The following ATP2B1 variants were observed in gnomAD, a reference collection of about 807,000 sequenced individuals.
ATP2B1 encodes the protein plasma membrane calcium-transporting ATPase 1.
ATP2B1 carries 14 observed loss-of-function variants against 124.2 expected under a neutral mutation model. The observed-to-expected ratio is 0.11, with a 90% CI of 0.07 to 0.18. The LOEUF (loss-of-function observed/expected upper bound fraction) is 0.18. Among genes scored for constraint, ATP2B1 ranks in the 10% least tolerant of loss-of-function variants. The pLI is 1.00. For synonymous variants in ATP2B1, 449 were observed against 492.4 expected (o/e 0.91, Z 1.17); for missense variants, 763 against 1,466.1 (o/e 0.52, Z 7.83).
At chr12:89,619,592 T>C (rs928267772) in intron 11 of ATP2B1, among the ~76,000 whole-genome samples, 3 of 130,606 alleles carry the variant, frequency 2.3e-5, no homozygotes, top group Non-Finnish European at 3.2e-5. Context: ...GCCTGGGTGA[T>C]ACAGGGAAAC....
chr12:89,683,230 G>C (rs1219329584), intron 1 of ATP2B1, among the ~76,000 whole-genome samples: 1 of 152,156 alleles, frequency 6.6e-6, no homozygotes, highest in East Asian at 1.9e-4. Flanking sequence ...ATGTCATATG[G>C]CAATTTTAAA....
intron 1 of ATP2B1, among the ~76,000 whole-genome samples, chr12:89,669,296 C>A (rs1461409225): frequency 6.6e-6 from 1 of 152,214 alleles, no homozygotes; most frequent in Non-Finnish European, 1.5e-5. Flanking sequence ...CTTAACGGAA[C>A]TGCAGAACGT....
intron 1 of ATP2B1, among the ~76,000 whole-genome samples, chr12:89,677,954 T>TTATATATATATATGTGTA (rs1491452210): frequency 1.5e-5 from 1 of 68,762 alleles, no homozygotes; most frequent in African/African-American, 6.4e-5. Context: ...CATGCAGGAA[T>TTATATATATATATGTGTA]TATATATATA....
intron 20 of ATP2B1, chr12:89,598,511 A>T: frequency 7.0e-7 from 1 of 1,433,368 alleles, no homozygotes; most frequent in African/African-American, 1.4e-5. Context: ...ATGAATTCAA[A>T]CATTAAGGAG....
intron 1 of ATP2B1, among the ~76,000 whole-genome samples, chr12:89,702,261 A>C (rs1250683434): frequency 6.6e-6 from 1 of 152,214 alleles, no homozygotes; most frequent in Admixed American, 6.5e-5. Flanking sequence ...CAGCATTCTA[A>C]AACACAATTT....
chr12:89,701,477 T>C (rs1593021013), intron 1 of ATP2B1, among the ~76,000 whole-genome samples: 1 of 152,346 alleles, frequency 6.6e-6, no homozygotes, highest in African/African-American at 2.4e-5. Flanking sequence ...GTTTAGGATT[T>C]AGACATTGTG....
At chr12:89,643,148 ATATGTATATATGTATG>A (rs1433302397) in intron 2 of ATP2B1, among the ~76,000 whole-genome samples, 5 of 150,788 alleles carry the variant, frequency 3.3e-5, no homozygotes, top group Non-Finnish European at 7.4e-5. Flanking sequence ...ATACACGTGT[ATATGTATATATGTATG>A]TATGTATATA....
At chr12:89,605,650 T>C (rs1392685378) in intron 15 of ATP2B1, among the ~76,000 whole-genome samples, 1 of 152,148 alleles carries the variant, frequency 6.6e-6, no homozygotes, top group African/African-American at 2.4e-5. Flanking sequence ...AGACAAACCC[T>C]TTCTCAGGAA....
chr12:89,646,740 G>C (rs999518721), intron 2 of ATP2B1, among the ~76,000 whole-genome samples: 1 of 152,206 alleles, frequency 6.6e-6, no homozygotes, highest in African/African-American at 2.4e-5. Context: ...TGAGCAAGTG[G>C]CAACAGTAAG....
chr12:89,595,184 C>T (rs935085419), intron 20 of ATP2B1, among the ~76,000 whole-genome samples: 1 of 151,932 alleles, frequency 6.6e-6, no homozygotes, highest in Non-Finnish European at 1.5e-5. Context: ...GAAAAATCTG[C>T]CACAGGTATT....
chr12:89,678,495 T>C (rs1348912963), intron 1 of ATP2B1, among the ~76,000 whole-genome samples: 2 of 152,158 alleles, frequency 1.3e-5, no homozygotes, highest in Admixed American at 1.3e-4. Context: ...TTATGACTAT[T>C]TACTACTGCT....
intron 8 of ATP2B1, among the ~76,000 whole-genome samples, chr12:89,625,662 T>C (rs1404896489): frequency 1.4e-5 from 2 of 147,644 alleles, no homozygotes; most frequent in Non-Finnish European, 3.0e-5. Flanking sequence ...GGTTCTAACA[T>C]CCCAATCTAA....
At chr12:89,653,382 C>G (rs920347671) in intron 2 of ATP2B1, among the ~76,000 whole-genome samples, 2 of 146,944 alleles carry the variant, frequency 1.4e-5, no homozygotes, top group African/African-American at 5.0e-5. Context: ...CTGCAAGCTC[C>G]GCTTCCCGGG....
At chr12:89,680,977 AAC>A (rs985381477) in intron 1 of ATP2B1, among the ~76,000 whole-genome samples, 1 of 152,178 alleles carries the variant, frequency 6.6e-6, no homozygotes, top group African/African-American at 2.4e-5. Flanking sequence ...CAAAAAGAGA[AAC>A]AGTTTCGAAT....
At chr12:89,615,509 T>G (rs1273689397) in intron 12 of ATP2B1, among the ~76,000 whole-genome samples, 1 of 152,226 alleles carries the variant, frequency 6.6e-6, no homozygotes, top group Non-Finnish European at 1.5e-5. Context: ...AAGCCTATTC[T>G]GGTCACTGCA....
chr12:89,683,657 A>G (rs1457346373), intron 1 of ATP2B1, among the ~76,000 whole-genome samples: 2 of 152,188 alleles, frequency 1.3e-5, no homozygotes, highest in African/African-American at 4.8e-5. Flanking sequence ...AGAGGAGAGA[A>G]CAAGTCACCC....
chr12:89,609,903 T>A, intron 15 of ATP2B1, 34 bp downstream of exon 15: 1 of 1,582,842 alleles, frequency 6.3e-7, no homozygotes, highest in Non-Finnish European at 8.7e-7. Flanking sequence ...AGTCAGTAAA[T>A]TACGTTTGGA....
chr12:89,609,225 C>T (rs1877535884), intron 15 of ATP2B1, among the ~76,000 whole-genome samples: 1 of 152,094 alleles, frequency 6.6e-6, no homozygotes, highest in Non-Finnish European at 1.5e-5. Context: ...GCTTAGCACC[C>T]CATAAAAATC....
chr12:89,694,774 T>C (rs1343337764), intron 1 of ATP2B1, among the ~76,000 whole-genome samples: 1 of 152,128 alleles, frequency 6.6e-6, no homozygotes, highest in South Asian at 2.1e-4. Context: ...TTCTAAGAAC[T>C]GGCCAGGCGC....
Sources: allele counts gnomAD v4.1 joint callset (sites outside exome capture counted in the v4.1 genomes callset), GRCh38; gene constraint gnomAD v4.1.1; transcripts MANE v1.5; gene names NCBI Gene and HGNC (gene_info 2026-07-23, HGNC 2026-07-21).